DPP9: variants seen among roughly 807,000 people sequenced by gnomAD.
DPP9 encodes dipeptidyl peptidase IV-related protein-2.
In DPP9, 50 loss-of-function variants were observed where a neutral mutation model predicts 110.7. That is an observed-to-expected ratio of 0.45 (90% CI 0.36 to 0.57). The LOEUF (loss-of-function observed/expected upper bound fraction) is 0.57, where lower values mean the gene tolerates loss of function less well. Among genes scored for constraint, DPP9 ranks in the 20% least tolerant of loss-of-function variants. DPP9 has a pLI of 0.00. For synonymous variants in DPP9, 561 were observed against 514.4 expected (o/e 1.09, Z -1.23); for missense variants, 1,022 against 1,217.9 (o/e 0.84, Z 2.39).
In DPP9 at chr19:4,682,956, G is replaced by T; in HGVS notation, c.2332-118C>A. ...CCTGGAGCCCGTGAGGAGCGCTCAT[G>T]CACATGGGGCCGGCAAGGAAGGGGC... On this transcript the variant is annotated intron_variant, in intron 19 of 21. Coordinates refer to ENST00000262960, the MANE Select transcript of DPP9 (RefSeq NM_139159.5). This position sits in a 1 kb window ranked among gnomAD's most constrained non-coding sequence, Gnocchi z 7.1. 6.5e-7 allele frequency: 1 copy of T among 1,534,230 alleles called. No individual in the cohort carries two copies. Among genetic ancestry groups the T allele is most frequent in the Non-Finnish European group, 8.7e-7 (1 of 1,146,158 alleles).
rs780267589 is a variant in DPP9, at chr19:4,679,823, A to G, written c.2586+12T>C. On this transcript the variant is annotated intron_variant, in intron 21 of 21. Transcript: ENST00000262960. ...GCTCGCGGAGGGGCCGAAGCCCCCA[A>G]CAGCCACCCACCTGGAGCTGGTAAG... 2.8e-5 allele frequency: 45 copies of G among 1,591,808 alleles called. No individual in the cohort carries two copies. The highest frequency in any genetic ancestry group is 1.1e-4 in the Admixed American group (6 of 56,872).
Position 4,704,975 on chromosome 19 carries a change from G to C in DPP9, c.427-671C>G, listed in dbSNP as rs926377146. On this transcript the variant is annotated intron_variant, in intron 5 of 21. Coordinates refer to ENST00000262960, the MANE Select transcript of DPP9 (RefSeq NM_139159.5). This position sits in a 1 kb window ranked among gnomAD's most constrained non-coding sequence, Gnocchi z 6.0. ...ATTGCGCCACTGCACTATAGCCTGA[G>C]TGACAGAGTGAGACTTTGTCTCAAA... Among the ~76,000 whole-genome samples, 2 of 152,060 alleles carry C rather than the reference G, an allele frequency of 1.3e-5. No homozygotes were observed. The highest frequency in any genetic ancestry group is 4.8e-5 in the African/African-American group (2 of 41,398).
chr19:4,683,318 G>A (rs1377107685), intron 19 of DPP9, 159 bp downstream of exon 19: 6 of 1,455,262 alleles, frequency 4.1e-6, no homozygotes, highest in Non-Finnish European at 1.8e-6. Flanking sequence ...TCGGCCCCGT[G>A]GGGCTGCTGC....
At chr19:4,683,441 G>A (rs1308799805) in intron 19 of DPP9, 36 bp downstream of exon 19, 2 of 1,611,114 alleles carry the variant, frequency 1.2e-6, no homozygotes, top group Admixed American at 3.3e-5. Context: ...GGGGCAGGGA[G>A]GGGCGTGGCT....
intron 20 of DPP9, among the ~76,000 whole-genome samples, chr19:4,680,594 T>A: frequency 6.8e-6 from 1 of 146,910 alleles, no homozygotes; most frequent in East Asian, 2.0e-4. Flanking sequence ...ACACCTGTGG[T>A]CCCAGCTGAG....
chr19:4,676,887 G>A lies in DPP9; in HGVS notation c.2587-231C>T, dbSNP rs78587460. ...CTTTGGGAGGATTTGGTAAGACAAA[G>A]TTTACAAAACGCCTTGCGGTGTGCA... On this transcript the variant is annotated intron_variant, in intron 21 of 21. Coordinates refer to ENST00000262960, the MANE Select transcript of DPP9 (RefSeq NM_139159.5). The surrounding 1 kb of genome is among the most constrained non-coding windows in gnomAD (Gnocchi z 4.0). Among the ~76,000 whole-genome samples, 1 of 152,334 alleles carries A rather than the reference G, an allele frequency of 6.6e-6. No homozygotes were observed. The highest frequency in any genetic ancestry group is 2.4e-5 in the African/African-American group (1 of 41,580).
chr19:4,697,924 C>T (rs2091936126), intron 10 of DPP9, among the ~76,000 whole-genome samples: 1 of 152,128 alleles, frequency 6.6e-6, no homozygotes, highest in African/African-American at 2.4e-5. Flanking sequence ...AGAGGGAAGC[C>T]GTCTTGAGAA....
chr19:4,679,803 C>T, intron 21 of DPP9, 32 bp downstream of exon 21: 1 of 1,512,934 alleles, frequency 6.6e-7, no homozygotes, highest in Non-Finnish European at 9.0e-7. Context: ...TGTCGGCTCG[C>T]GGAGGGGCCG....
chr19:4,682,702 G>T lies in DPP9; in HGVS notation c.2468C>A (p.Pro823His). 6.2e-7 allele frequency: 1 copy of T among 1,609,926 alleles called. No homozygotes were observed. The highest frequency in any genetic ancestry group is 8.5e-7 in the Non-Finnish European group (1 of 1,178,492). ...GSVALHVEKL[P>H]NEPNRLLILH... ...GGCAGGGCAGTGGCCTTACTCATTG[G>T]GCAGCTTCTCCACGTGCAGGGCCAC... The change falls in exon 20 of 22, where the codon CCC becomes CAC. Residue 823 changes from proline to histidine, a missense_variant. By Grantham distance (77) the Pro-to-His change is moderately conservative (BLOSUM62 -2). This residue lies in a region of DPP9 where 209 missense variants were observed against 280.4 expected (regional missense o/e 0.75). Transcript: ENST00000262960. This position sits in a 1 kb window ranked among gnomAD's most constrained non-coding sequence, Gnocchi z 7.1.
At chr19:4,721,971 A>T in intron 2 of DPP9, among the ~76,000 whole-genome samples, 1 of 152,186 alleles carries the variant, frequency 6.6e-6, no homozygotes, top group South Asian at 2.1e-4. Flanking sequence ...AACCTCTCTG[A>T]GCTTCCACTT....
rs531608853 is a variant in DPP9 at position 4,721,061 on chromosome 19, C to T, written c.-35-1120G>A. Among the ~76,000 whole-genome samples the T allele has an allele frequency of 3.7e-3, 565 of 152,124 alleles. 5 individuals carry two copies. Among genetic ancestry groups the T allele is most frequent in the African/African-American group, 0.013 (537 of 41,510 alleles). On this transcript the variant is annotated intron_variant, in intron 2 of 21. Transcript: ENST00000262960. ...CCCAGGGGTCTCACCTGGGGATAAC[C>T]GGCCCCCCCAGGGGACATTTTTGGT...
Position 4,689,617 on chromosome 19 carries a change from C to T in DPP9, c.1702G>A (p.Val568Ile), listed in dbSNP as rs187567734. The T allele has an allele frequency of 1.9e-5, 30 of 1,573,156 alleles. No individual in the cohort carries two copies. The Admixed American group carries it at 4.0e-4, about 21-fold the overall frequency. Reference protein sequence around the residue: ...VVSYEAAGEIVRLTTPGFSHS... With the variant: ...VVSYEAAGEIIRLTTPGFSHS... ...GAGAAGCCGGGCGTGGTGAGGCGTA[C>T]GATCTCGCCGGCCGCCTCATAGCTG... is the stretch of plus-strand genomic sequence containing the variant. The change falls in exon 15 of 22, where the codon GTA (valine) becomes ATA (isoleucine). Residue 568 changes from valine (V) to isoleucine (I), a missense_variant. Val to Ile is a conservative substitution (Grantham distance 29). Coordinates refer to ENST00000262960, the MANE Select transcript of DPP9 (RefSeq NM_139159.5). The surrounding 1 kb of genome is among the most constrained non-coding windows in gnomAD (Gnocchi z 7.0).
Position 4,682,005 on chromosome 19 carries a change from C to T in DPP9, c.2474+691G>A, listed in dbSNP as rs1275420549. On this transcript the variant is annotated intron_variant, in intron 20 of 21. Coordinates refer to ENST00000262960, the MANE Select transcript of DPP9 (RefSeq NM_139159.5). The surrounding 1 kb of genome is among the most constrained non-coding windows in gnomAD (Gnocchi z 7.1). Reference sequence around the variant, plus strand: ...CTGGGACTACAGGCACCCGCCACCACACCCGGCTAATTTTTTGTATTTTTA... The same window carrying T: ...CTGGGACTACAGGCACCCGCCACCATACCCGGCTAATTTTTTGTATTTTTA... Among the ~76,000 whole-genome samples, 1 of 151,894 alleles carries T rather than the reference C, an allele frequency of 6.6e-6. No homozygotes were observed. Among genetic ancestry groups the T allele is most frequent in the Non-Finnish European group, 1.5e-5 (1 of 67,960 alleles).
chr19:4,699,268 C>T (rs556136288), intron 10 of DPP9, among the ~76,000 whole-genome samples: 1 of 151,896 alleles, frequency 6.6e-6, no homozygotes, highest in African/African-American at 2.4e-5. Flanking sequence ...TTTGTCCCAG[C>T]CCTTCCATCC....
In DPP9 at chr19:4,684,242, G is replaced by C. The variant is rs2090358800; in HGVS notation, c.2178+421C>G. 3.8e-6 allele frequency: 1 copy of C among 266,398 alleles called. No individual in the cohort carries two copies. The highest frequency in any genetic ancestry group is 4.2e-5 in the South Asian group (1 of 23,742). The allele number at this position is 266,398 out of a possible 1,614,324, so 16.5% of individuals were successfully genotyped here. ...GAAGCAGCACAGGGCCTCTCTGGAG[G>C]GTTGCTGACCAGGCAACCTCGTGGG... On this transcript the variant is annotated intron_variant, in intron 18 of 21. Coordinates refer to ENST00000262960, the MANE Select transcript of DPP9 (RefSeq NM_139159.5). The surrounding 1 kb of genome is among the most constrained non-coding windows in gnomAD (Gnocchi z 4.8).
Position 4,695,624 on chromosome 19 carries a change from G to A in DPP9, c.1176-69C>T. ...CCTCAGTGGCCTGCACAGAGAAGCT[G>A]GGGACGCAGCGTCCAAACCCGTGTG... On this transcript the variant is annotated intron_variant, in intron 11 of 21. Transcript: ENST00000262960. This position sits in a 1 kb window ranked among gnomAD's most constrained non-coding sequence, Gnocchi z 4.7. The A allele has an allele frequency of 1.5e-6, 2 of 1,336,966 alleles. No homozygotes were observed. The highest frequency in any genetic ancestry group is 1.5e-5 in the African/African-American group (1 of 65,546). The allele number at this position is 1,336,966 out of a possible 1,614,324, so 82.8% of individuals were successfully genotyped here.
chr19:4,708,776 C>T (rs2092701776), intron 4 of DPP9, among the ~76,000 whole-genome samples: 1 of 152,006 alleles, frequency 6.6e-6, no homozygotes, highest in South Asian at 2.1e-4. Flanking sequence ...GACACTGGGG[C>T]CTATTGGAGG....
At chr19:4,686,492 G>A (rs990085518) in intron 16 of DPP9, among the ~76,000 whole-genome samples, 6 of 151,832 alleles carry the variant, frequency 4.0e-5, no homozygotes, top group Non-Finnish European at 8.8e-5. Flanking sequence ...GCTAATTTTT[G>A]TACTTTTAGT....
In DPP9 at chr19:4,685,790, C is replaced by G. The variant is rs1213308781; in HGVS notation, c.1886-19G>C. 2 of 1,609,692 alleles carry G rather than the reference C, an allele frequency of 1.2e-6. No individual in the cohort carries two copies. Among genetic ancestry groups the G allele is most frequent in the Admixed American group, 3.3e-5 (2 of 59,950 alleles). Reference sequence around the variant, plus strand: ...GGGCAGCCTGCGGGAGACAGGGCGGCTATCTGGCTGCCCGGGGAAGCCACA... The same window carrying G: ...GGGCAGCCTGCGGGAGACAGGGCGGGTATCTGGCTGCCCGGGGAAGCCACA... On this transcript the variant is annotated intron_variant, in intron 16 of 21. Transcript: ENST00000262960. This position sits in a 1 kb window ranked among gnomAD's most constrained non-coding sequence, Gnocchi z 5.8.
Sources: allele counts gnomAD v4.1 joint callset (sites outside exome capture counted in the v4.1 genomes callset), GRCh38; gene constraint gnomAD v4.1.1; regional missense constraint gnomAD v4.1.1; non-coding constraint Gnocchi (gnomAD v3.1); transcripts MANE v1.5; gene names NCBI Gene and HGNC (gene_info 2026-07-23, HGNC 2026-07-21).